APOL2: variants seen among roughly 807,000 people sequenced by gnomAD.
APOL2 encodes apolipoprotein L, 2.
APOL2 carries 8 observed loss-of-function variants against 7.1 expected under a neutral mutation model. That is an observed-to-expected ratio of 1.12 (90% CI 0.66 to 2.03). The LOEUF is 2.03. APOL2 is among the 30% of genes most tolerant of loss of function. The pLI is 0.00. For synonymous variants in APOL2, 177 were observed against 159.9 expected (o/e 1.11, Z -0.81); for missense variants, 471 against 415.1 (o/e 1.13, Z -1.17).
chr22:36,227,524 C>G lies in APOL2; in HGVS notation c.894G>C (p.Leu298Phe). The G allele has an allele frequency of 6.2e-7, 1 of 1,614,170 alleles. No individual in the cohort carries two copies. The highest frequency in any genetic ancestry group is 8.5e-7 in the Non-Finnish European group (1 of 1,180,030). Residue 298 changes from leucine to phenylalanine, a missense_variant, in exon 5 of 5, where the codon TTG becomes TTC. Physicochemically the swap from Leu to Phe is conservative, Grantham distance 22. Transcript: ENST00000358502. The stretch of plus-strand genomic sequence containing the variant: ...CTGACTCTGACTTTGCCCCCTCAAG[C>G]AAGTGCTTTGACTCATATGCAAGGC... ...VVSLAYESKH[L>F]LEGAKSESAE...
chr22:36,233,429 C>G lies in APOL2; in HGVS notation c.-107G>C. 1 of 1,551,348 alleles carries G rather than the reference C, an allele frequency of 6.4e-7. No homozygotes were observed. Among genetic ancestry groups the G allele is most frequent in the Non-Finnish European group, 8.7e-7 (1 of 1,147,828 alleles). On this transcript the variant is annotated 5_prime_UTR_variant, in exon 2 of 5. Coordinates refer to ENST00000358502, the MANE Select transcript of APOL2 (RefSeq NM_030882.4). ...CGTTCCAGCTTCCTCTTCCCTCACT[C>G]TCACACCAAGGCAGGGTCCTCTTGT...
chr22:36,229,606 A>G (rs567037423), intron 4 of APOL2, among the ~76,000 whole-genome samples: 1 of 152,348 alleles, frequency 6.6e-6, no homozygotes, highest in East Asian at 1.9e-4. Context: ...ATAAACCACA[A>G]TCGTGCAATA....
At chr22:36,236,760 T>C in intron 1 of APOL2, 1 of 1,047,308 alleles carries the variant, frequency 9.5e-7, no homozygotes, top group Non-Finnish European at 1.1e-6. Flanking sequence ...CCACCTCTGT[T>C]TCAGGGTCGA....
chr22:36,233,713 G>C (rs1402003073), intron 1 of APOL2, among the ~76,000 whole-genome samples: 1 of 152,200 alleles, frequency 6.6e-6, no homozygotes, highest in Non-Finnish European at 1.5e-5. Flanking sequence ...TTTGAACACA[G>C]AGGAATCCAC....
chr22:36,227,720 TTGGCTCTGGCTCGTCTGA>T lies in APOL2; in HGVS notation c.680_697del (p.Ile227_Ala232del). ...TGGGGCATACGCTCCTAACTGAGGG[TTGGCTCTGGCTCGTCTGA>T]TGGCACGGATGTTCCTCCCAATCCC... is the stretch of plus-strand genomic sequence containing the variant. On this transcript the variant is annotated inframe_deletion, in exon 5 of 5. Coordinates refer to ENST00000358502, the MANE Select transcript of APOL2 (RefSeq NM_030882.4). 6.2e-7 allele frequency: 1 copy of T among 1,614,186 alleles called. No homozygotes were observed. The highest frequency in any genetic ancestry group is 1.1e-5 in the South Asian group (1 of 91,082).
rs1043575023 is a variant in APOL2 at position 36,236,539 on chromosome 22, G to A, written c.-134+2902C>T. 14 of 982,044 alleles carry A rather than the reference G, an allele frequency of 1.4e-5. No homozygotes were observed. The African/African-American group carries it at 1.9e-4, about 14-fold the overall frequency. The allele number at this position is 982,044 out of a possible 1,614,324, so 60.8% of individuals were successfully genotyped here. ...CACTATAAGTAATAATGATAATACC[G>A]ATTCAGGCCCATCCCAGTTAGGGGC... is the stretch of plus-strand genomic sequence containing the variant. On this transcript the variant is annotated intron_variant, in intron 1 of 4. Transcript: ENST00000358502.
At chr22:36,230,370 C>T (rs1309170271) in intron 4 of APOL2, among the ~76,000 whole-genome samples, 1 of 152,206 alleles carries the variant, frequency 6.6e-6, no homozygotes, top group African/African-American at 2.4e-5. Flanking sequence ...TACCATGACC[C>T]TGTATGCCCA....
chr22:36,230,520 TTCCTGCTTG>T (rs1412934070), intron 4 of APOL2, among the ~76,000 whole-genome samples: 2 of 152,110 alleles, frequency 1.3e-5, no homozygotes, highest in African/African-American at 4.8e-5. Context: ...TGCCCCAGCC[TTCCTGCTTG>T]TCCTACCAAA....
At position 36,226,275 on chromosome 22, in the gene APOL2, T is replaced by C. The variant is rs1378195745; in HGVS notation, c.*1129A>G. The C allele has an allele frequency of 1.3e-5, 2 of 152,316 alleles. No individual in the cohort carries two copies. Among genetic ancestry groups the C allele is most frequent in the Non-Finnish European group, 2.9e-5 (2 of 68,086 alleles). 9.4% of individuals were successfully genotyped at this position (152,316 alleles called of 1,614,324 possible). On this transcript the variant is annotated 3_prime_UTR_variant, in exon 5 of 5. Coordinates refer to ENST00000358502, the MANE Select transcript of APOL2 (RefSeq NM_030882.4). ...ATCCTGGGCAGCGACAGGACAGCTC[T>C]AGAGATCTGTGCTTCCTCCCAATGC...
rs1301163009 is a variant in APOL2, at chr22:36,227,543, G to C, written c.875C>G (p.Ala292Gly). Residue 292 changes from alanine to glycine, a missense_variant, in exon 5 of 5, where the codon GCA becomes GGA. Coordinates refer to ENST00000358502, the MANE Select transcript of APOL2 (RefSeq NM_030882.4). The part of the protein sequence containing the change: ...ILLLLDVVSL[A>G]YESKHLLEGA... ...CTCAAGCAAGTGCTTTGACTCATAT[G>C]CAAGGCTGACCACATCCAGCAGAAG... 1.9e-6 allele frequency: 3 copies of C among 1,614,072 alleles called. No homozygotes were observed. Among genetic ancestry groups the C allele is most frequent in the Non-Finnish European group, 2.5e-6 (3 of 1,180,044 alleles).
chr22:36,227,658 C>G lies in APOL2; in HGVS notation c.760G>C (p.Gly254Arg). The G allele has an allele frequency of 9.3e-6, 15 of 1,614,226 alleles. No homozygotes were observed. The highest frequency in any genetic ancestry group is 1.3e-5 in the Non-Finnish European group (15 of 1,180,038). The change falls in exon 5 of 5, where the codon GGT becomes CGT. Residue 254 changes from glycine to arginine, a missense_variant. Transcript: ENST00000358502. ...TCAACAACCCTCTCAACCTGTTCAC[C>G]GCCTTCAGCTGAGATTCGCCCAATG... ...HVIGRISAEG[G>R]EQVERVVEGP... is the part of the protein sequence containing the mutation.
In APOL2 at chr22:36,227,592, C is replaced by A; in HGVS notation, c.826G>T (p.Gly276Cys). The stretch of plus-strand genomic sequence containing the variant: ...AGCAAGATGCCTCCAGTGGCTGCAC[C>A]CACGATCATGGTTCCTCTGCTCATT... ...QAMSRGTMIV[G>C]AATGGILLLL... The change falls in exon 5 of 5, where the codon GGT (glycine) becomes TGT (cysteine). Residue 276 changes from glycine to cysteine, a missense_variant. Physicochemically the swap from Gly to Cys is radical, Grantham distance 159. Coordinates refer to ENST00000358502, the MANE Select transcript of APOL2 (RefSeq NM_030882.4). 1 of 1,614,250 alleles carries A rather than the reference C, an allele frequency of 6.2e-7. No homozygotes were observed. Among genetic ancestry groups the A allele is most frequent in the Non-Finnish European group, 8.5e-7 (1 of 1,180,050 alleles).
At chr22:36,237,278 C>A in intron 1 of APOL2, 1 of 1,360,186 alleles carries the variant, frequency 7.4e-7, no homozygotes. Flanking sequence ...CTCCCTCCCA[C>A]CTCAGCTCTG....
intron 1 of APOL2, among the ~76,000 whole-genome samples, chr22:36,236,075 C>T (rs1229514870): frequency 6.6e-6 from 1 of 152,060 alleles, no homozygotes; most frequent in Non-Finnish European, 1.5e-5. Context: ...CAATTAGAAA[C>T]ATCAGGAAAA....
At chr22:36,239,563 T>C (rs546427162), upstream of APOL2, 2 of 1,526,164 alleles carry the variant, frequency 1.3e-6, no homozygotes, top group South Asian at 2.3e-5. Context: ...AGATATACCC[T>C]GGAATTCGAA....
chr22:36,228,326 C>G, intron 4 of APOL2, 46 bp from the exon 5 acceptor site: 2 of 1,562,046 alleles, frequency 1.3e-6, no homozygotes, highest in Non-Finnish European at 1.7e-6. Context: ...GTTTCCCTAT[C>G]TGTGAAATGA....
At chr22:36,236,564 C>A in intron 1 of APOL2, 3 of 985,326 alleles carry the variant, frequency 3.0e-6, no homozygotes, top group Non-Finnish European at 3.6e-6. Context: ...CAGTTAGGGG[C>A]GGCTCCAAAA....
At position 36,231,279 on chromosome 22, in the gene APOL2, C is replaced by T. The variant is rs56411899; in HGVS notation, c.137+61G>A. On this transcript the variant is annotated intron_variant, in intron 4 of 4. Coordinates refer to ENST00000358502, the MANE Select transcript of APOL2 (RefSeq NM_030882.4). ...GGTGTGCCTGTCAGGGACAACCAGC[C>T]CAGGGGAGATCTGAGTGGCATCGCT... 3.4e-3 allele frequency: 5,484 copies of T among 1,595,168 alleles called. 15 individuals carry two copies. Among genetic ancestry groups the T allele is most frequent in the Non-Finnish European group, 4.0e-3 (4,640 of 1,166,702 alleles).
upstream of APOL2, chr22:36,239,682 T>C (rs958944445): frequency 1.3e-5 from 8 of 598,872 alleles, no homozygotes; most frequent in African/African-American, 1.5e-4. Flanking sequence ...CTGCTGCACT[T>C]AGAGGAGCAG....
Sources: allele counts gnomAD v4.1 joint callset (sites outside exome capture counted in the v4.1 genomes callset), GRCh38; gene constraint gnomAD v4.1.1; transcripts MANE v1.5; gene names NCBI Gene and HGNC (gene_info 2026-07-23, HGNC 2026-07-21).